The following UBE2Q2 variants were observed in gnomAD, a reference collection of about 807,000 sequenced individuals.
UBE2Q2 encodes the protein ubiquitin conjugating enzyme E2 Q2.
UBE2Q2 carries 54 observed loss-of-function variants against 59.9 expected under a neutral mutation model. The observed-to-expected ratio is 0.90, with a 90% CI of 0.72 to 1.13. The LOEUF (loss-of-function observed/expected upper bound fraction) is 1.13, where lower values mean the gene tolerates loss of function less well. Among genes scored for constraint, UBE2Q2 ranks in the 50% most tolerant of loss-of-function variants. The pLI, the probability that UBE2Q2 is intolerant of heterozygous loss-of-function variation, is 0.00. For synonymous variants in UBE2Q2, 165 were observed against 155.2 expected (o/e 1.06, Z -0.47); for missense variants, 433 against 441.9 (o/e 0.98, Z 0.18).
At chr15:75,882,489 T>C (rs767348981) in intron 8 of UBE2Q2, among the ~76,000 whole-genome samples, 4 of 152,222 alleles carry the variant, frequency 2.6e-5, no homozygotes, top group African/African-American at 7.2e-5. Flanking sequence ...AGAGGTTTTG[T>C]AGTCACTCAT....
chr15:75,879,070 G>T (rs2141635656), intron 7 of UBE2Q2, 28 bp from the exon 8 acceptor site: 2 of 1,460,132 alleles, frequency 1.4e-6, no homozygotes, highest in Non-Finnish European at 1.8e-6. Context: ...CTTTTTATTT[G>T]AACTGTTTTT....
At chr15:75,883,500 C>A in intron 9 of UBE2Q2, 76 bp downstream of exon 9, 2 of 1,037,172 alleles carry the variant, frequency 1.9e-6, no homozygotes, top group Non-Finnish European at 2.9e-6. Context: ...CGAGATCTCA[C>A]TATGTTGCCC....
intron 11 of UBE2Q2, among the ~76,000 whole-genome samples, chr15:75,892,833 G>A (rs539082554): frequency 2.6e-5 from 4 of 152,294 alleles, no homozygotes; most frequent in Non-Finnish European, 4.4e-5. Flanking sequence ...GCATGTTTGC[G>A]CACTCCAGCC....
rs571086389 is a variant in UBE2Q2, at chr15:75,843,766, C to G, written c.100C>G (p.Leu34Val). The change falls in exon 1 of 13, where the codon CTG becomes GTG. Residue 34 changes from leucine (L) to valine (V), a missense_variant. Transcript: ENST00000267938. ...FRIVSWKLDE[L>V]HCQFLVPQQG... ...CATCGTCAGTTGGAAGCTGGACGAG[C>G]TGCACTGCCAGTTCCTGGTGCCGCA... 73 of 1,610,542 alleles carry G rather than the reference C, an allele frequency of 4.5e-5. No individual in the cohort carries two copies. The South Asian group carries it at 7.8e-4, about 17-fold the overall frequency.
chr15:75,873,251 A>AC (rs1897891357), intron 4 of UBE2Q2, among the ~76,000 whole-genome samples, 177 bp from the exon 5 acceptor site: 1 of 152,234 alleles, frequency 6.6e-6, no homozygotes, highest in Non-Finnish European at 1.5e-5. Context: ...AATATAGGAT[A>AC]TAAAAGGTGG....
intron 1 of UBE2Q2, among the ~76,000 whole-genome samples, chr15:75,848,604 A>G (rs2141532583): frequency 6.6e-6 from 1 of 152,246 alleles, no homozygotes; most frequent in South Asian, 2.1e-4. Context: ...AGGAACAGAT[A>G]TATGAAGAGA....
chr15:75,865,756 G>T (rs1253628480), intron 3 of UBE2Q2, among the ~76,000 whole-genome samples: 1 of 150,040 alleles, frequency 6.7e-6, no homozygotes, highest in Admixed American at 6.6e-5. Context: ...CTTGTATTAT[G>T]TGTCCTGCTC....
intron 6 of UBE2Q2, among the ~76,000 whole-genome samples, chr15:75,877,159 CAAAAAAAA>C (rs59289858): frequency 7.4e-5 from 5 of 67,686 alleles, no homozygotes; most frequent in East Asian, 5.6e-4. Context: ...GAGACTCTGT[CAAAAAAAA>C]AAAAAAAAAA....
Position 75,883,436 on chromosome 15 carries a change from T to C in UBE2Q2, c.884+12T>C, listed in dbSNP as rs1451288473. The C allele has an allele frequency of 5.6e-6, 9 of 1,604,104 alleles. No homozygotes were observed. Among genetic ancestry groups the C allele is most frequent in the Non-Finnish European group, 7.7e-6 (9 of 1,176,062 alleles). On this transcript the variant is annotated intron_variant, in intron 9 of 12. Coordinates refer to ENST00000267938, the MANE Select transcript of UBE2Q2 (RefSeq NM_173469.4). ...GTTCTCTCAGGAGGGTAAGTTTAAGTGACTACTTAAAAAGAAATTTTTTTC... is the reference window on the plus strand; with the variant it reads ...GTTCTCTCAGGAGGGTAAGTTTAAGCGACTACTTAAAAAGAAATTTTTTTC...
At chr15:75,857,606 C>T (rs1420250847) in intron 2 of UBE2Q2, among the ~76,000 whole-genome samples, 1 of 152,134 alleles carries the variant, frequency 6.6e-6, no homozygotes, top group Non-Finnish European at 1.5e-5. Context: ...CGGCTCCTCT[C>T]TTAGTCCCCA....
chr15:75,849,073 G>C (rs1296647579), intron 1 of UBE2Q2, among the ~76,000 whole-genome samples: 2 of 152,122 alleles, frequency 1.3e-5, no homozygotes, highest in Non-Finnish European at 2.9e-5. Flanking sequence ...ATTTCAACAA[G>C]TGTTAGAATT....
rs1898253233 is a variant in UBE2Q2 at position 75,879,131 on chromosome 15, T to G, written c.768T>G (p.Leu256=). 6 of 1,600,388 alleles carry G rather than the reference T, an allele frequency of 3.7e-6. No individual in the cohort carries two copies. In the South Asian group the frequency reaches 6.8e-5, roughly 18 times the overall value. Residue 256 remains leucine (L), a synonymous_variant, in exon 8 of 13, where the codon CTT becomes CTG. Coordinates refer to ENST00000267938, the MANE Select transcript of UBE2Q2 (RefSeq NM_173469.4). ...VDPDSPLHSD[L]QILKEKEGIE... ...CTGATAGTCCTTTGCACAGTGATCT[T>G]CAGATCTTAAAAGAAAAAGAAGGCA...
intron 11 of UBE2Q2, among the ~76,000 whole-genome samples, chr15:75,893,157 A>C (rs1413981061): frequency 6.6e-6 from 1 of 152,234 alleles, no homozygotes; most frequent in African/African-American, 2.4e-5. Context: ...AGTCACAACA[A>C]ATGTAAATGG....
At chr15:75,868,830 ACTGT>A (rs1897636840) in intron 3 of UBE2Q2, 117 bp from the exon 4 acceptor site, 2 of 674,936 alleles carry the variant, frequency 3.0e-6, no homozygotes, top group Admixed American at 2.6e-5. Context: ...ATTTTAATAA[ACTGT>A]CTGGTAGTGG....
intron 1 of UBE2Q2, among the ~76,000 whole-genome samples, chr15:75,845,661 G>C (rs1452073569): frequency 6.6e-6 from 1 of 152,200 alleles, no homozygotes; most frequent in Non-Finnish European, 1.5e-5. Context: ...GGTTATCCCA[G>C]TGGGGGTGGG....
intron 4 of UBE2Q2, among the ~76,000 whole-genome samples, chr15:75,872,920 CTA>C (rs1352739835): frequency 2.6e-5 from 4 of 152,004 alleles, no homozygotes; most frequent in African/African-American, 9.7e-5. Context: ...AGAAATTAGG[CTA>C]TGTTAGTATT....
intron 2 of UBE2Q2, among the ~76,000 whole-genome samples, chr15:75,855,783 A>G (rs1466087907): frequency 1.3e-5 from 2 of 152,238 alleles, no homozygotes; most frequent in African/African-American, 4.8e-5. Context: ...ACTTTTATCA[A>G]GAACATGACA....
Position 75,857,803 on chromosome 15 carries a change from G to C in UBE2Q2, c.283-2075G>C, listed in dbSNP as rs568884996. 3.3e-5 allele frequency among the ~76,000 whole-genome samples: 5 copies of C among 150,258 alleles called. No individual in the cohort carries two copies. In the South Asian group the frequency reaches 1.0e-3, roughly 31 times the overall value. On this transcript the variant is annotated intron_variant, in intron 2 of 12. Transcript: ENST00000267938. ...CATTTTTTCCATAAGAGCATGTGCA[G>C]ATTTCTAAGATATATTAAATGAAAA...
Position 75,900,216 on chromosome 15 carries a change from C to G in UBE2Q2, c.*758C>G, listed in dbSNP as rs530797391. On this transcript the variant is annotated 3_prime_UTR_variant, in exon 13 of 13. Transcript: ENST00000267938. ...ACAGAGCTTCAAGTTATTTAAAATA[C>G]TAAGTCATCTTACGTTTCCATTTTA... 1 of 152,274 alleles carries G rather than the reference C, an allele frequency of 6.6e-6. No individual in the cohort carries two copies. Among genetic ancestry groups the G allele is most frequent in the African/African-American group, 2.4e-5 (1 of 41,554 alleles). The allele number at this position is 152,274 out of a possible 1,614,324, so 9.4% of individuals were successfully genotyped here. A position where few individuals can be genotyped will look rare whatever the true frequency, so the allele number is the denominator to read the frequency against.
Sources: allele counts gnomAD v4.1 joint callset (sites outside exome capture counted in the v4.1 genomes callset), GRCh38; gene constraint gnomAD v4.1.1; transcripts MANE v1.5; gene names NCBI Gene and HGNC (gene_info 2026-07-23, HGNC 2026-07-21).